The following DIAPH2 variants were observed in gnomAD, a reference collection of about 807,000 sequenced individuals.
DIAPH2 encodes the protein protein diaphanous homolog 2.
A neutral mutation model predicts 92.7 loss-of-function variants in DIAPH2; 35 were observed. The ratio of observed to expected loss-of-function variants is 0.38; its 90% confidence interval spans 0.29 to 0.50. The LOEUF is 0.50. Ranked by LOEUF, DIAPH2 falls within the 20% of genes least tolerant of loss-of-function variation. The pLI is 0.94. For missense variants in DIAPH2, 701 were observed against 819.5 expected (o/e 0.86, Z 1.77); for synonymous variants, 301 against 280.4 (o/e 1.07, Z -0.73).
At chrX:96,775,387 GTGTGTA>G (rs2064370588) in intron 4 of DIAPH2, among the ~76,000 whole-genome samples, 1 of 101,235 alleles carries the variant, frequency 9.9e-6, no homozygotes, top group Non-Finnish European at 2.1e-5. Context: ...GTGTGTGTGT[GTGTGTA>G]TACTTCCTCA....
At chrX:96,779,349 T>C (rs776471093) in intron 4 of DIAPH2, among the ~76,000 whole-genome samples, 2 of 112,139 alleles carry the variant, frequency 1.8e-5, no homozygotes, top group Admixed American at 9.5e-5. Context: ...TTAACATCTG[T>C]TGGTTTTTAC....
At chrX:97,165,779 A>G (rs1451163066) in intron 22 of DIAPH2, among the ~76,000 whole-genome samples, 1 of 110,608 alleles carries the variant, frequency 9.0e-6, no homozygotes, top group East Asian at 2.8e-4. Context: ...GGCATGAGCC[A>G]CCATGCTCAG....
At chrX:96,715,294 G>C (rs867917569) in intron 1 of DIAPH2, among the ~76,000 whole-genome samples, 2 of 111,591 alleles carry the variant, frequency 1.8e-5, no homozygotes, top group African/African-American at 6.5e-5. Context: ...AAAAAATCTA[G>C]GTAGCAAGGC....
intron 26 of DIAPH2, among the ~76,000 whole-genome samples, chrX:97,530,128 T>C (rs956396387): frequency 8.9e-6 from 1 of 112,011 alleles, no homozygotes; most frequent in Admixed American, 9.4e-5. Flanking sequence ...CATTGAGGGC[T>C]GTCAAGGCAG....
At chrX:96,849,211 G>C (rs1308892319) in intron 4 of DIAPH2, among the ~76,000 whole-genome samples, 1 of 111,710 alleles carries the variant, frequency 9.0e-6, no homozygotes, top group Non-Finnish European at 1.9e-5. Context: ...TGTTGCCCAG[G>C]CTGGAGTGCA....
Position 96,791,706 on chromosome X carries a change from T to G in DIAPH2, c.447+33448T>G, listed in dbSNP as rs182822494. Among the ~76,000 whole-genome samples the G allele has an allele frequency of 6.3e-5, 7 of 111,181 alleles. No individual in the cohort carries two copies. In the East Asian group the frequency reaches 8.5e-4, roughly 13 times the overall value. ...GAGGGATGATGCTGGTTTTATTACA[T>G]AATGGTCTATTTCTGTCCTAGCATG... On this transcript the variant is annotated intron_variant, in intron 4 of 26. Transcript: ENST00000324765.
At chrX:97,014,051 TTTA>T (rs1231986776) in intron 17 of DIAPH2, among the ~76,000 whole-genome samples, 2 of 112,017 alleles carry the variant, frequency 1.8e-5, no homozygotes, top group Non-Finnish European at 3.8e-5. Flanking sequence ...CTTTCCCATG[TTTA>T]TTTTCATGAC....
intron 26 of DIAPH2, among the ~76,000 whole-genome samples, chrX:97,568,115 CAAAAAAAA>C (rs59273565): frequency 6.6e-5 from 2 of 30,096 alleles, no homozygotes; most frequent in Non-Finnish European, 5.0e-5. Flanking sequence ...GACTCCATCT[CAAAAAAAA>C]AAAAAAAAAA....
chrX:96,880,850 T>C (rs1187614358), intron 4 of DIAPH2, among the ~76,000 whole-genome samples: 3 of 111,703 alleles, frequency 2.7e-5, no homozygotes, highest in Non-Finnish European at 5.6e-5. Context: ...TATATAGTTA[T>C]AGCAAGATGA....
At chrX:96,767,310 T>C (rs1241532637) in intron 4 of DIAPH2, among the ~76,000 whole-genome samples, 1 of 111,076 alleles carries the variant, frequency 9.0e-6, no homozygotes, top group Non-Finnish European at 1.9e-5. Flanking sequence ...CAAATTTTAG[T>C]AGCAATCATG....
At chrX:97,310,685 G>C (rs2068785842) in intron 23 of DIAPH2, among the ~76,000 whole-genome samples, 1 of 111,060 alleles carries the variant, frequency 9.0e-6, no homozygotes, top group Non-Finnish European at 1.9e-5. Flanking sequence ...GGGGTGGAGG[G>C]AGTTGTACAC....
intron 22 of DIAPH2, among the ~76,000 whole-genome samples, chrX:97,221,039 G>T (rs1363291506): frequency 2.7e-5 from 3 of 110,905 alleles, no homozygotes; most frequent in African/African-American, 9.8e-5. Context: ...GGATTTTGTT[G>T]TTGTTGTTGT....
rs760831889 is a variant in DIAPH2, at chrX:96,942,024, A to G, written c.1332A>G (p.Gln444=). 14 of 1,140,659 alleles carry G rather than the reference A, an allele frequency of 1.2e-5. No homozygotes were observed. The highest frequency in any genetic ancestry group is 4.4e-5 in the Admixed American group (2 of 45,414). The allele number at this position is 1,140,659 out of a possible 1,213,427, so 94.0% of individuals were successfully genotyped here. A position where few individuals can be genotyped will look rare whatever the true frequency, so the allele number is the denominator to read the frequency against. Residue 444 remains glutamine, a synonymous_variant, in exon 13 of 27, where the codon CAA becomes CAG. Coordinates refer to ENST00000324765, the MANE Select transcript of DIAPH2 (RefSeq NM_006729.5). ...LIRNDYYIRP[Q]YYKIIEECVS... is the part of the protein sequence containing the mutation. The stretch of plus-strand genomic sequence containing the variant: ...TACTTTCTCTCCTTTTCAGGCCACA[A>G]TATTATAAAATAATTGAGGAATGTG...
intron 26 of DIAPH2, among the ~76,000 whole-genome samples, chrX:97,522,345 C>A (rs1224673306): frequency 1.8e-5 from 2 of 111,743 alleles, no homozygotes; most frequent in Non-Finnish European, 3.8e-5. Context: ...TGGGGTCTCG[C>A]TATGTTGCCC....
intron 24 of DIAPH2, among the ~76,000 whole-genome samples, chrX:97,365,815 C>T (rs1040833971): frequency 2.1e-4 from 23 of 108,860 alleles, no homozygotes; most frequent in African/African-American, 7.0e-4. Context: ...AGTTCTCCTG[C>T]CCCAGCCTCC....
chrX:97,003,433 G>T (rs968057481), intron 17 of DIAPH2, among the ~76,000 whole-genome samples: 2 of 111,589 alleles, frequency 1.8e-5, no homozygotes, highest in Non-Finnish European at 3.8e-5. Flanking sequence ...AATATACAAG[G>T]CTTCCTTTTA....
At chrX:97,248,069 C>T (rs2068157227) in intron 23 of DIAPH2, among the ~76,000 whole-genome samples, 1 of 111,621 alleles carries the variant, frequency 9.0e-6, no homozygotes, top group Non-Finnish European at 1.9e-5. Context: ...AGAAGAATTC[C>T]ATTTGAAAGC....
chrX:96,815,276 G>A (rs780120185), intron 4 of DIAPH2, among the ~76,000 whole-genome samples: 3 of 111,893 alleles, frequency 2.7e-5, no homozygotes, highest in South Asian at 3.8e-4. Context: ...CTGCTGCCTC[G>A]CAGGTCGATC....
chrX:97,305,259 G>A (rs1032133340), intron 23 of DIAPH2, among the ~76,000 whole-genome samples: 3 of 111,353 alleles, frequency 2.7e-5, no homozygotes, highest in Non-Finnish European at 3.8e-5. Flanking sequence ...CTGGGAGGCC[G>A]AGGCAGGTGG....
Sources: allele counts gnomAD v4.1 joint callset (sites outside exome capture counted in the v4.1 genomes callset), GRCh38; gene constraint gnomAD v4.1.1; transcripts MANE v1.5; gene names NCBI Gene and HGNC (gene_info 2026-07-23, HGNC 2026-07-21).